TG: variants seen among roughly 807,000 people sequenced by gnomAD.
TG encodes thyroglobulin.
In TG, 270 loss-of-function variants were observed where a neutral mutation model predicts 324.7. The ratio of observed to expected loss-of-function variants is 0.83; its 90% confidence interval spans 0.75 to 0.92. The LOEUF is 0.92. TG is among the 40% of genes least tolerant of loss of function. TG has a pLI of 0.00. For synonymous variants in TG, 1,401 were observed against 1,327.0 expected (o/e 1.06, Z -1.21); for missense variants, 3,591 against 3,456.4 (o/e 1.04, Z -0.98).
chr8:133,102,501 C>T (rs375629714), intron 43 of TG: 13 of 1,532,522 alleles, frequency 8.5e-6, no homozygotes, highest in Non-Finnish European at 1.1e-5. Flanking sequence ...CCACCCCAGG[C>T]CACCTATGGC....
In TG at chr8:132,969,542, C is replaced by G; in HGVS notation, c.5948C>G (p.Pro1983Arg). 6.2e-7 allele frequency: 1 copy of G among 1,613,400 alleles called. No individual in the cohort carries two copies. The highest frequency in any genetic ancestry group is 8.5e-7 in the Non-Finnish European group (1 of 1,179,428). The change falls in exon 32 of 48, where the codon CCC becomes CGC. Residue 1983 changes from proline (P) to arginine (R), a missense_variant. Transcript: ENST00000220616. ...LMGISIRNKV[P>R]MSEKSISNGF... ...GGGATATCCATTAGAAATAAAGTGC[C>G]CATGTCTGAAAAATCTATTTCTAAT... is the stretch of plus-strand genomic sequence containing the variant.
chr8:133,026,425 G>T (rs943079489), intron 40 of TG, among the ~76,000 whole-genome samples: 16 of 152,228 alleles, frequency 1.1e-4, no homozygotes, highest in African/African-American at 3.9e-4. Context: ...TGAGCAGTTG[G>T]AAAGGAAGCA....
chr8:132,889,401 T>C (rs961339017), intron 10 of TG, among the ~76,000 whole-genome samples: 1 of 152,246 alleles, frequency 6.6e-6, no homozygotes, highest in Non-Finnish European at 1.5e-5. Flanking sequence ...TCCATTAGAC[T>C]ATTTTGATAT....
Position 132,941,475 on chromosome 8 carries a change from C to T in TG, c.5166C>T (p.Leu1722=). The T allele has an allele frequency of 6.2e-7, 1 of 1,614,224 alleles. No homozygotes were observed. The highest frequency in any genetic ancestry group is 8.5e-7 in the Non-Finnish European group (1 of 1,180,052). The change falls in exon 26 of 48, where the codon CTC becomes CTT. Residue 1722 remains leucine, a synonymous_variant. Transcript: ENST00000220616. ...GAGCCAATCTAACCGATGCTCACCT[C>T]TTCTGTCTTCTTGCATGCGACCGTG... The part of the protein sequence containing the change: ...ASGANLTDAH[L]FCLLACDRDL...
intron 41 of TG, among the ~76,000 whole-genome samples, chr8:133,036,535 C>A (rs367584765): frequency 6.6e-6 from 1 of 152,116 alleles, no homozygotes; most frequent in Non-Finnish European, 1.5e-5. Flanking sequence ...TCGTAAGACA[C>A]CCCCCAGAGT....
intron 1 of TG, 31 bp downstream of exon 1, chr8:132,867,098 G>T: frequency 1.9e-6 from 3 of 1,574,716 alleles, no homozygotes; most frequent in Non-Finnish European, 2.6e-6. Context: ...GCCAGGCGGT[G>T]GGGAGGGAGC....
intron 21 of TG, among the ~76,000 whole-genome samples, chr8:132,920,031 A>C (rs1434745764): frequency 4.6e-5 from 7 of 152,228 alleles, no homozygotes; most frequent in African/African-American, 1.7e-4. Context: ...TCTTGGTTTT[A>C]TCTGATTCTG....
At chr8:132,992,004 C>T (rs1832401887) in intron 35 of TG, among the ~76,000 whole-genome samples, 1 of 152,158 alleles carries the variant, frequency 6.6e-6, no homozygotes, top group South Asian at 2.1e-4. Context: ...GAAGGCTTCA[C>T]TTCTCTCCAC....
Position 132,961,211 on chromosome 8 carries a change from G to T in TG, c.5467+138G>T, listed in dbSNP as rs373345711. The T allele has an allele frequency of 3.5e-5, 30 of 864,188 alleles. 1 individual carries two copies. The Admixed American group carries it at 5.5e-4, about 16-fold the overall frequency. 53.5% of individuals were successfully genotyped at this position (864,188 alleles called of 1,614,324 possible). A position where few individuals can be genotyped will look rare whatever the true frequency, so the allele number is the denominator to read the frequency against. ...CACTTTCCAAATGCATACTTTCTGT[G>T]GAATAGAAGGGCTCCAACTCATCAG... On this transcript the variant is annotated intron_variant, in intron 28 of 47. Transcript: ENST00000220616.
chr8:133,099,873 T>C (rs569681011), intron 43 of TG, among the ~76,000 whole-genome samples: 16 of 152,296 alleles, frequency 1.1e-4, no homozygotes, highest in East Asian at 5.8e-4. Context: ...TTATTTGAGA[T>C]TTTTGTGCTA....
chr8:133,036,466 T>G (rs749374905), intron 41 of TG, among the ~76,000 whole-genome samples: 9 of 152,178 alleles, frequency 5.9e-5, no homozygotes, highest in Non-Finnish European at 7.3e-5. Flanking sequence ...CAGGACGTTT[T>G]TATAACAATC....
At position 132,886,630 on chromosome 8, in the gene TG, G is replaced by A. The variant is rs1458946678; in HGVS notation, c.1258G>A (p.Gly420Arg). The A allele has an allele frequency of 6.2e-7, 1 of 1,614,006 alleles. No individual in the cohort carries two copies. The highest frequency in any genetic ancestry group is 1.3e-5 in the African/African-American group (1 of 74,894). Residue 420 changes from glycine to arginine, a missense_variant, in exon 9 of 48, where the codon GGG (glycine) becomes AGG (arginine). Coordinates refer to ENST00000220616, the MANE Select transcript of TG (RefSeq NM_003235.5). ...GATCAAGGAGCTCTTTGTGGACTCT[G>A]GGCTTCTCCGCCCAATGGTGGAGGG... ...PTIKELFVDS[G>R]LLRPMVEGQS... is the part of the protein sequence containing the mutation.
chr8:133,124,063 A>G (rs1851345132), intron 45 of TG, among the ~76,000 whole-genome samples: 1 of 152,252 alleles, frequency 6.6e-6, no homozygotes, highest in Non-Finnish European at 1.5e-5. Flanking sequence ...AAGCAAACAC[A>G]AGTGAAGTGG....
In TG at chr8:132,916,157, G is replaced by A. The variant is rs145608466; in HGVS notation, c.4378+2892G>A. On this transcript the variant is annotated intron_variant, in intron 20 of 47. Transcript: ENST00000220616. ...GTCCTAGCTCCAACACTTTCTCATT[G>A]TGGATCCTGGAGAAAGTCCATTATT... Among the ~76,000 whole-genome samples, 6 of 152,314 alleles carry A rather than the reference G, an allele frequency of 3.9e-5. No homozygotes were observed. The East Asian group carries it at 1.2e-3, about 29-fold the overall frequency.
At chr8:132,918,966 G>A (rs182076635) in intron 20 of TG, among the ~76,000 whole-genome samples, 7 of 152,270 alleles carry the variant, frequency 4.6e-5, no homozygotes, top group Non-Finnish European at 7.3e-5. Flanking sequence ...GTAACAGGGC[G>A]ATAGACTAAG....
chr8:132,881,513 C>T (rs1354707405), intron 5 of TG, among the ~76,000 whole-genome samples: 1 of 152,168 alleles, frequency 6.6e-6, no homozygotes, highest in Non-Finnish European at 1.5e-5. Flanking sequence ...GAGCTGTATT[C>T]CAGGAAAGGA....
intron 41 of TG, among the ~76,000 whole-genome samples, chr8:133,067,741 A>G (rs1020350272): frequency 1.3e-5 from 2 of 151,948 alleles, no homozygotes; most frequent in Admixed American, 1.3e-4. Flanking sequence ...GCACCGCTGC[A>G]CATTCCAGCC....
At chr8:133,079,914 T>C (rs1041027714) in intron 41 of TG, among the ~76,000 whole-genome samples, 7 of 151,714 alleles carry the variant, frequency 4.6e-5, no homozygotes, top group Non-Finnish European at 1.5e-5. Context: ...AGATAGAAGT[T>C]CTCGAGAGTA....
chr8:132,888,398 A>T lies in TG; in HGVS notation c.2591A>T (p.Glu864Val), dbSNP rs966178196. 3 of 1,613,910 alleles carry T rather than the reference A, an allele frequency of 1.9e-6. No homozygotes were observed. The highest frequency in any genetic ancestry group is 1.3e-5 in the African/African-American group (1 of 74,900). The change falls in exon 10 of 48, where the codon GAG (glutamate) becomes GTG (valine). Residue 864 changes from glutamate (E) to valine (V), a missense_variant. Glu to Val is a moderately radical substitution (Grantham distance 121). Coordinates refer to ENST00000220616, the MANE Select transcript of TG (RefSeq NM_003235.5). ...RPQPRENILL[E>V]PYLFWQILNG... ...CAGCCCAGGGAGAATATCCTCCTGG[A>T]GCCCTACCTCTTCTGGCAGATCTTA... is the stretch of plus-strand genomic sequence containing the variant.
Sources: allele counts gnomAD v4.1 joint callset (sites outside exome capture counted in the v4.1 genomes callset), GRCh38; gene constraint gnomAD v4.1.1; transcripts MANE v1.5; gene names NCBI Gene and HGNC (gene_info 2026-07-23, HGNC 2026-07-21).